The following NKAIN3 variants were observed in gnomAD, a reference collection of about 807,000 sequenced individuals.
NKAIN3 encodes the protein sodium/potassium-transporting ATPase subunit beta-1-interacting protein 3.
Under a neutral mutation model 30.2 loss-of-function variants are expected in NKAIN3, and 25 were observed. The ratio of observed to expected loss-of-function variants is 0.83; its 90% CI spans 0.60 to 1.16. The LOEUF is 1.16. Ranked by LOEUF, NKAIN3 falls within the 50% of genes most tolerant of loss-of-function variation. NKAIN3 has a pLI of 0.00. For missense variants in NKAIN3, 225 were observed against 254.1 expected (o/e 0.89, Z 0.78); for synonymous variants, 91 against 89.6 (o/e 1.02, Z -0.09).
At chr8:62,996,139 A>G (rs1219249431) in intron 5 of NKAIN3, among the ~76,000 whole-genome samples, 1 of 151,424 alleles carries the variant, frequency 6.6e-6, no homozygotes, top group East Asian at 1.9e-4. Flanking sequence ...AAAAGATACT[A>G]CCTGAAACTG....
chr8:62,384,778 C>G (rs1817375817), intron 1 of NKAIN3, among the ~76,000 whole-genome samples: 1 of 152,068 alleles, frequency 6.6e-6, no homozygotes, highest in African/African-American at 2.4e-5. Context: ...TGCAAAGACT[C>G]TAGAATTCCA....
chr8:62,320,220 G>T lies in NKAIN3; in HGVS notation c.54+71093G>T, dbSNP rs188465091. 2.6e-5 allele frequency among the ~76,000 whole-genome samples: 4 copies of T among 152,128 alleles called. No individual in the cohort carries two copies. The East Asian group carries it at 7.7e-4, about 29-fold the overall frequency. On this transcript the variant is annotated intron_variant, in intron 1 of 6. Coordinates refer to ENST00000623646, the MANE Select transcript of NKAIN3 (RefSeq NM_001304533.3). ...CTCCATCCCTTTATTTTGAGCCTAC[G>T]TGTGTCTCTGCATGTGAGATGGGTT...
chr8:62,555,011 T>TACACACACAC (rs59610407), intron 1 of NKAIN3, among the ~76,000 whole-genome samples: 1,829 of 144,972 alleles, frequency 0.013, 19 homozygotes, highest in African/African-American at 0.018. Context: ...GCAGAATCTA[T>TACACACACAC]ACACACACAC....
intron 6 of NKAIN3, among the ~76,000 whole-genome samples, chr8:62,964,359 T>A (rs1409178487): frequency 1.3e-5 from 2 of 152,024 alleles, no homozygotes; most frequent in Non-Finnish European, 2.9e-5. Flanking sequence ...TGTGTTGAGG[T>A]TGACATTGTG....
intron 1 of NKAIN3, among the ~76,000 whole-genome samples, chr8:62,481,696 A>G (rs35087928): frequency 0.15 from 22,454 of 152,154 alleles, 1,840 homozygotes; most frequent in African/African-American, 0.2. Flanking sequence ...AAGACTTAAA[A>G]ATAATTTCCC....
At chr8:62,590,868 C>T (rs1810630451) in intron 3 of NKAIN3, among the ~76,000 whole-genome samples, 1 of 151,814 alleles carries the variant, frequency 6.6e-6, no homozygotes, top group African/African-American at 2.4e-5. Flanking sequence ...ACATTGGCAA[C>T]TGTATTCAGG....
chr8:62,500,662 A>C (rs891653265), intron 1 of NKAIN3, among the ~76,000 whole-genome samples: 1 of 152,108 alleles, frequency 6.6e-6, no homozygotes, highest in Non-Finnish European at 1.5e-5. Context: ...CTTGAAACAT[A>C]GGCTGTATTT....
At chr8:62,658,761 C>T (rs560533819) in intron 3 of NKAIN3, among the ~76,000 whole-genome samples, 5 of 152,270 alleles carry the variant, frequency 3.3e-5, no homozygotes, top group Middle Eastern at 3.4e-3. Flanking sequence ...TAAAACTATT[C>T]CTTGTAACTT....
intron 5 of NKAIN3, among the ~76,000 whole-genome samples, chr8:62,937,492 T>C (rs62508080): frequency 0.14 from 20,820 of 151,948 alleles, 1,697 homozygotes; most frequent in East Asian, 0.35. Context: ...AATATAAAAG[T>C]AGAAGCAGCA....
intron 1 of NKAIN3, among the ~76,000 whole-genome samples, chr8:62,374,293 A>T (rs752611082): frequency 3.9e-5 from 6 of 152,122 alleles, no homozygotes; most frequent in Admixed American, 6.5e-5. Context: ...TCAAAATTCC[A>T]TTTAAAGTAT....
intron 1 of NKAIN3, among the ~76,000 whole-genome samples, chr8:62,415,867 C>T (rs1254077922): frequency 6.6e-6 from 1 of 152,006 alleles, no homozygotes; most frequent in Non-Finnish European, 1.5e-5. Context: ...ACGCCATTCT[C>T]CTGCCTCAGC....
chr8:62,945,421 T>C (rs530896567), intron 5 of NKAIN3, among the ~76,000 whole-genome samples: 1 of 152,316 alleles, frequency 6.6e-6, no homozygotes, highest in African/African-American at 2.4e-5. Context: ...GCTATTACTT[T>C]ATTAACATCA....
At chr8:62,902,754 T>C (rs902475967) in intron 4 of NKAIN3, among the ~76,000 whole-genome samples, 2 of 152,178 alleles carry the variant, frequency 1.3e-5, no homozygotes, top group African/African-American at 4.8e-5. Context: ...GATATAATGA[T>C]CCTATCAAAC....
intron 6 of NKAIN3, among the ~76,000 whole-genome samples, chr8:62,958,041 T>C (rs1823470683): frequency 6.6e-6 from 1 of 152,106 alleles, no homozygotes; most frequent in Non-Finnish European, 1.5e-5. Context: ...ATATTAAGTC[T>C]TTAAGGGGAA....
intron 3 of NKAIN3, among the ~76,000 whole-genome samples, chr8:62,675,606 T>G (rs1394896420): frequency 6.6e-6 from 1 of 152,136 alleles, no homozygotes; most frequent in African/African-American, 2.4e-5. Flanking sequence ...GACTCTAAGA[T>G]TCCAGTGTGG....
chr8:62,512,684 G>A (rs1807851367), intron 1 of NKAIN3, among the ~76,000 whole-genome samples: 1 of 152,126 alleles, frequency 6.6e-6, no homozygotes, highest in Non-Finnish European at 1.5e-5. Flanking sequence ...AAATGGCAAT[G>A]TGTACTTAGC....
intron 6 of NKAIN3, among the ~76,000 whole-genome samples, chr8:62,956,734 CTG>C (rs1823428666): frequency 6.6e-6 from 1 of 152,182 alleles, no homozygotes; most frequent in Non-Finnish European, 1.5e-5. Context: ...ATTGCCTACA[CTG>C]TGCACAACAG....
At chr8:62,753,211 C>CACAT (rs1586162243) in intron 4 of NKAIN3, among the ~76,000 whole-genome samples, 1 of 121,726 alleles carries the variant, frequency 8.2e-6, no homozygotes, top group East Asian at 2.3e-4. Context: ...AGAGGATGCA[C>CACAT]ACACACACAC....
chr8:62,398,195 G>A (rs896028859), intron 1 of NKAIN3, among the ~76,000 whole-genome samples: 3 of 152,084 alleles, frequency 2.0e-5, no homozygotes, highest in South Asian at 2.1e-4. Flanking sequence ...TGCAGGGAAG[G>A]GGCCCCTGGG....
Sources: allele counts gnomAD v4.1 joint callset (sites outside exome capture counted in the v4.1 genomes callset), GRCh38; gene constraint gnomAD v4.1.1; transcripts MANE v1.5; gene names NCBI Gene and HGNC (gene_info 2026-07-23, HGNC 2026-07-21).